The following CDKAL1 variants were observed in gnomAD, a reference collection of about 807,000 sequenced individuals.
CDKAL1 encodes threonylcarbamoyladenosine tRNA methylthiotransferase.
In CDKAL1, 32 loss-of-function variants were observed where a neutral mutation model predicts 68.2. That is an observed-to-expected ratio of 0.47 (90% CI 0.35 to 0.63). The LOEUF is 0.63. Ranked by LOEUF, CDKAL1 falls within the 30% of genes least tolerant of loss-of-function variation. CDKAL1 has a pLI of 0.00. For missense variants in CDKAL1, 606 were observed against 696.7 expected (o/e 0.87, Z 1.47); for synonymous variants, 234 against 244.3 (o/e 0.96, Z 0.39).
chr6:21,140,888 G>A (rs1045312032), intron 13 of CDKAL1, among the ~76,000 whole-genome samples: 3 of 152,172 alleles, frequency 2.0e-5, no homozygotes, highest in Admixed American at 2.0e-4. Context: ...GAATCATGGC[G>A]GGAGGCAAAA....
intron 5 of CDKAL1, among the ~76,000 whole-genome samples, chr6:20,661,222 T>C (rs972522848): frequency 1.3e-5 from 2 of 152,218 alleles, no homozygotes; most frequent in Non-Finnish European, 2.9e-5. Context: ...TTAGGTCTTA[T>C]TATCTATCAT....
chr6:20,767,020 A>AT (rs552196753), intron 7 of CDKAL1, among the ~76,000 whole-genome samples: 1 of 152,170 alleles, frequency 6.6e-6, no homozygotes, highest in African/African-American at 2.4e-5. Context: ...CAAAAATAAC[A>AT]TTTTTTTCAT....
intron 4 of CDKAL1, among the ~76,000 whole-genome samples, chr6:20,597,344 G>T (rs1199564352): frequency 6.6e-6 from 1 of 152,004 alleles, no homozygotes; most frequent in Non-Finnish European, 1.5e-5. Context: ...TAGCCATATT[G>T]GTCTTGATCT....
At chr6:20,995,014 A>C (rs562614649) in intron 10 of CDKAL1, among the ~76,000 whole-genome samples, 1 of 152,234 alleles carries the variant, frequency 6.6e-6, no homozygotes, top group African/African-American at 2.4e-5. Flanking sequence ...CAGTCTTCAC[A>C]GTGTCTTCAA....
intron 6 of CDKAL1, among the ~76,000 whole-genome samples, chr6:20,750,937 C>A (rs190748307): frequency 4.5e-4 from 52 of 115,518 alleles, no homozygotes; most frequent in African/African-American, 1.6e-3. Flanking sequence ...GCACTCCAGG[C>A]TGAGCAACAG....
chr6:20,814,074 T>C, intron 8 of CDKAL1, among the ~76,000 whole-genome samples: 1 of 152,084 alleles, frequency 6.6e-6, no homozygotes, highest in East Asian at 1.9e-4. Context: ...TATATCTCTA[T>C]TTCATTTAGG....
At chr6:21,151,309 T>A (rs1776400457) in intron 13 of CDKAL1, among the ~76,000 whole-genome samples, 1 of 152,230 alleles carries the variant, frequency 6.6e-6, no homozygotes, top group South Asian at 2.1e-4. Context: ...AGTTTAACCC[T>A]CTCCGACCCA....
At chr6:21,185,637 A>T (rs1385823892) in intron 13 of CDKAL1, among the ~76,000 whole-genome samples, 1 of 152,154 alleles carries the variant, frequency 6.6e-6, no homozygotes, top group African/African-American at 2.4e-5. Context: ...CTACGTATCT[A>T]TGTGTGTGTG....
intron 5 of CDKAL1, among the ~76,000 whole-genome samples, chr6:20,716,134 CTG>C (rs1022091097): frequency 7.6e-4 from 115 of 152,240 alleles, no homozygotes; most frequent in African/African-American, 2.6e-3. Flanking sequence ...TTGGTGCACA[CTG>C]TGATGAATAA....
In CDKAL1 at chr6:20,828,707, G is replaced by A. The variant is rs571850942; in HGVS notation, c.639-17368G>A. Among the ~76,000 whole-genome samples the A allele has an allele frequency of 5.3e-5, 8 of 152,244 alleles. No homozygotes were observed. The South Asian group carries it at 8.3e-4, about 16-fold the overall frequency. ...GTTCTTGTGGTAAACTAAACATTAC[G>A]TAAAGTTGACCTTTTTAACTATTTT... On this transcript the variant is annotated intron_variant, in intron 8 of 15. Transcript: ENST00000274695.
intron 6 of CDKAL1, among the ~76,000 whole-genome samples, chr6:20,754,388 C>A (rs1298091036): frequency 6.6e-6 from 1 of 152,130 alleles, no homozygotes; most frequent in Non-Finnish European, 1.5e-5. Flanking sequence ...ACCACTGTAA[C>A]CATTTTTAAC....
intron 5 of CDKAL1, among the ~76,000 whole-genome samples, chr6:20,703,398 A>T (rs759646365): frequency 6.6e-6 from 1 of 152,198 alleles, no homozygotes; most frequent in Non-Finnish European, 1.5e-5. Flanking sequence ...GGCACTTTAC[A>T]TAAACAATTT....
At chr6:20,826,841 G>A (rs4446563) in intron 8 of CDKAL1, among the ~76,000 whole-genome samples, 98,518 of 151,986 alleles carry the variant, frequency 0.65, 32,299 homozygotes, top group African/African-American at 0.69. Context: ...CAGTCTTGTT[G>A]GCTTTGTTTT....
At chr6:20,715,051 GC>G (rs1357620579) in intron 5 of CDKAL1, among the ~76,000 whole-genome samples, 1 of 152,064 alleles carries the variant, frequency 6.6e-6, no homozygotes, top group Non-Finnish European at 1.5e-5. Flanking sequence ...ATTTTTCCCT[GC>G]CTGTGGCAAG....
intron 12 of CDKAL1, among the ~76,000 whole-genome samples, chr6:21,084,220 C>A (rs1338554320): frequency 6.6e-6 from 1 of 152,118 alleles, no homozygotes; most frequent in Non-Finnish European, 1.5e-5. Context: ...TAAGTTTAAT[C>A]TATTCTAAAT....
At chr6:21,222,931 A>G (rs1457187556) in intron 15 of CDKAL1, among the ~76,000 whole-genome samples, 1 of 152,062 alleles carries the variant, frequency 6.6e-6, no homozygotes, top group Non-Finnish European at 1.5e-5. Flanking sequence ...TGAGCGCATC[A>G]AGTGTGTGTG....
intron 13 of CDKAL1, among the ~76,000 whole-genome samples, chr6:21,192,001 T>C (rs1169784586): frequency 5.2e-5 from 3 of 57,474 alleles, no homozygotes; most frequent in Middle Eastern, 6.7e-3. Context: ...TCTTTTTTTT[T>C]TTTTTTTTTT....
intron 8 of CDKAL1, among the ~76,000 whole-genome samples, chr6:20,811,037 G>A (rs886543232): frequency 6.6e-6 from 1 of 152,156 alleles, no homozygotes; most frequent in South Asian, 2.1e-4. Context: ...AGGAATATGA[G>A]CAGGAGACAT....
intron 10 of CDKAL1, among the ~76,000 whole-genome samples, chr6:20,983,346 C>A (rs773279018): frequency 2.6e-5 from 4 of 152,108 alleles, no homozygotes; most frequent in African/African-American, 4.8e-5. Flanking sequence ...CATAACCAAA[C>A]TGAGGAAAAT....
Sources: gnomAD v4.1 joint callset for allele counts (sites outside exome capture counted in the v4.1 genomes callset) on GRCh38, gnomAD v4.1.1 for gene constraint, MANE v1.5 for transcripts, NCBI Gene and HGNC (gene_info 2026-07-23, HGNC 2026-07-21) for gene names.